Variants in DRD2 observed in about 807,000 individuals in gnomAD.
DRD2 encodes the protein D(2) dopamine receptor.
Under a neutral mutation model 38.0 loss-of-function variants are expected in DRD2, and 8 were observed. The ratio of observed to expected loss-of-function variants is 0.21; its 90% confidence interval spans 0.12 to 0.38. DRD2 has a LOEUF of 0.38. Ranked by LOEUF, DRD2 falls within the 10% of genes least tolerant of loss-of-function variation. The pLI, the probability that DRD2 is intolerant of heterozygous loss-of-function variation, is 1.00. For synonymous variants in DRD2, 230 were observed against 238.6 expected (o/e 0.96, Z 0.33); for missense variants, 403 against 607.7 (o/e 0.66, Z 3.54).
intron 1 of DRD2, among the ~76,000 whole-genome samples, chr11:113,439,284 G>A (rs1951065158): frequency 6.6e-6 from 1 of 152,206 alleles, no homozygotes; most frequent in Non-Finnish European, 1.5e-5. Context: ...CTTCCTGGAT[G>A]TTTGTTATGC....
At chr11:113,420,698 C>T (rs979531444) in intron 2 of DRD2, among the ~76,000 whole-genome samples, 2 of 152,120 alleles carry the variant, frequency 1.3e-5, no homozygotes, top group African/African-American at 4.8e-5. Flanking sequence ...TCTAGCTTAT[C>T]AAGAGAGGAG....
Position 113,429,976 on chromosome 11 carries a change from T to C in DRD2, c.-31-5294A>G, listed in dbSNP as rs573362500. Among the ~76,000 whole-genome samples, 6 of 152,288 alleles carry C rather than the reference T, an allele frequency of 3.9e-5. No homozygotes were observed. The South Asian group carries it at 1.2e-3, about 32-fold the overall frequency. ...TTAAAAATCAAACCAAGCAAAAGAA[T>C]GAAATGAAACAAGCAATCAGACCAC... On this transcript the variant is annotated intron_variant, in intron 1 of 7. Transcript: ENST00000362072.
intron 1 of DRD2, among the ~76,000 whole-genome samples, chr11:113,436,464 T>C (rs1052391366): frequency 6.6e-5 from 10 of 152,208 alleles, no homozygotes; most frequent in Non-Finnish European, 1.2e-4. Context: ...TAGGGGACAA[T>C]TGAAAATCTA....
intron 1 of DRD2, among the ~76,000 whole-genome samples, chr11:113,443,411 C>G (rs753276867): frequency 6.6e-6 from 1 of 152,184 alleles, no homozygotes; most frequent in Non-Finnish European, 1.5e-5. Flanking sequence ...GGGTATCCAG[C>G]GCATTTTAGC....
At chr11:113,450,761 C>T (rs1026546519) in intron 1 of DRD2, among the ~76,000 whole-genome samples, 1 of 152,148 alleles carries the variant, frequency 6.6e-6, no homozygotes. Context: ...ATGCAGAACC[C>T]GTAAATGAAG....
rs200486137 is a variant in DRD2 at position 113,416,961 on chromosome 11, C to T, written c.434G>A (p.Arg145His). ...GGTGACCCGGCGCTTGGAGCTGTAG[C>T]GCGTATTGTACAGCATGGGCATGGC... ...AVAMPMLYNT[R>H]YSSKRRVTVM... is the part of the protein sequence containing the mutation. The change falls in exon 4 of 8, where the codon CGC becomes CAC. Residue 145 changes from arginine (R) to histidine (H), a missense_variant. Arg to His is a conservative substitution (Grantham distance 29). Around this residue, in one of 4 missense-constraint regions of DRD2, gnomAD observed 162 missense variants for 254.5 expected, o/e 0.64. Transcript: ENST00000362072. 90 of 1,613,966 alleles carry T rather than the reference C, an allele frequency of 5.6e-5. No homozygotes were observed. The highest frequency in any genetic ancestry group is 6.9e-5 in the Non-Finnish European group (81 of 1,180,006).
At chr11:113,420,559 A>C (rs776301799) in intron 2 of DRD2, among the ~76,000 whole-genome samples, 5 of 152,226 alleles carry the variant, frequency 3.3e-5, no homozygotes, top group Non-Finnish European at 5.9e-5. Context: ...TATCCCACTC[A>C]TAGGTGAGGG....
At chr11:113,424,266 A>T in intron 2 of DRD2, 101 bp downstream of exon 2, 1 of 1,340,214 alleles carries the variant, frequency 7.5e-7, no homozygotes, top group Non-Finnish European at 1.0e-6. Context: ...GGGAAGCACC[A>T]GGAAACTCAT....
chr11:113,452,469 T>TGCGCGCGCGCGCGCGC (rs150781651), intron 1 of DRD2, among the ~76,000 whole-genome samples: 2 of 118,784 alleles, frequency 1.7e-5, no homozygotes, highest in African/African-American at 7.2e-5. Flanking sequence ...TGTGTGTGTG[T>TGCGCGCGCGCGCGCGC]GCGCGCGCGC....
chr11:113,428,582 G>A (rs1013305884), intron 1 of DRD2, among the ~76,000 whole-genome samples: 5 of 152,202 alleles, frequency 3.3e-5, no homozygotes, highest in African/African-American at 9.7e-5. Flanking sequence ...TGGCTGGGGC[G>A]TTTGTGGAGA....
chr11:113,459,331 C>T (rs1473870474), intron 1 of DRD2, among the ~76,000 whole-genome samples: 2 of 152,106 alleles, frequency 1.3e-5, no homozygotes, highest in African/African-American at 4.8e-5. Context: ...GGTTTGTCAC[C>T]CCCAATGCAG....
chr11:113,453,512 CT>C (rs1951236042), intron 1 of DRD2, among the ~76,000 whole-genome samples: 2 of 152,348 alleles, frequency 1.3e-5, no homozygotes, highest in South Asian at 4.1e-4. Context: ...GTATTCTTCT[CT>C]GTCTTGGATT....
At chr11:113,449,648 C>T (rs1213053395) in intron 1 of DRD2, among the ~76,000 whole-genome samples, 1 of 152,142 alleles carries the variant, frequency 6.6e-6, no homozygotes, top group Admixed American at 6.5e-5. Flanking sequence ...CACGGAGCTG[C>T]TCCCACCAAG....
At chr11:113,453,991 C>A (rs984504177) in intron 1 of DRD2, among the ~76,000 whole-genome samples, 2 of 152,104 alleles carry the variant, frequency 1.3e-5, no homozygotes, top group Admixed American at 6.5e-5. Context: ...TAACAGAGAA[C>A]CTGGCACATC....
chr11:113,469,129 C>T (rs919662031), intron 1 of DRD2, among the ~76,000 whole-genome samples: 5 of 152,066 alleles, frequency 3.3e-5, no homozygotes, highest in African/African-American at 1.2e-4. Context: ...CCGTCTACAC[C>T]TCCTCCCAGC....
At chr11:113,420,980 C>T (rs1418580211) in intron 2 of DRD2, among the ~76,000 whole-genome samples, 1 of 152,134 alleles carries the variant, frequency 6.6e-6, no homozygotes, top group Non-Finnish European at 1.5e-5. Context: ...CAGCTAAGTC[C>T]TAATAACTGT....
intron 1 of DRD2, among the ~76,000 whole-genome samples, chr11:113,430,910 T>C (rs1423171037): frequency 6.6e-6 from 1 of 152,218 alleles, no homozygotes; most frequent in Non-Finnish European, 1.5e-5. Context: ...ATTGGCTAAA[T>C]ATATAACCCA....
At chr11:113,463,648 T>G (rs1951342920) in intron 1 of DRD2, among the ~76,000 whole-genome samples, 1 of 152,160 alleles carries the variant, frequency 6.6e-6, no homozygotes, top group Non-Finnish European at 1.5e-5. Flanking sequence ...CATGCGTGTT[T>G]GCGGGGGCGG....
intron 1 of DRD2, among the ~76,000 whole-genome samples, chr11:113,474,760 C>T (rs895842406): frequency 6.6e-6 from 1 of 152,214 alleles, no homozygotes; most frequent in East Asian, 1.9e-4. Flanking sequence ...GCCGCGGCTC[C>T]GCCGTGCTGC....
Sources: gnomAD v4.1 joint callset for allele counts (sites outside exome capture counted in the v4.1 genomes callset) on GRCh38, gnomAD v4.1.1 for gene constraint, gnomAD v4.1.1 regional missense constraint, MANE v1.5 for transcripts, NCBI Gene and HGNC (gene_info 2026-07-23, HGNC 2026-07-21) for gene names.